Variants in TANC2 observed in about 807,000 individuals in gnomAD.
TANC2 encodes protein TANC2.
TANC2 carries 26 observed loss-of-function variants against 210.5 expected under a neutral mutation model. The ratio of observed to expected loss-of-function variants is 0.12; its 90% CI spans 0.09 to 0.17. The LOEUF is 0.17. TANC2 is among the 10% of genes least tolerant of loss of function. TANC2 has a pLI of 1.00. For missense variants in TANC2, 2,129 were observed against 2,608.9 expected, an observed-to-expected ratio of 0.82 and a Z score of 4.01; for synonymous variants, 931 against 967.1, an observed-to-expected ratio of 0.96 and a Z score of 0.69.
chr17:63,001,497 G>T (rs1285508542), intron 1 of TANC2, among the ~76,000 whole-genome samples: 1 of 150,832 alleles, frequency 6.6e-6, no homozygotes, highest in Non-Finnish European at 1.5e-5. Flanking sequence ...AGATTAATAA[G>T]ACCAGGTTTC....
chr17:63,415,965 T>G (rs919123533), intron 26 of TANC2, among the ~76,000 whole-genome samples: 1 of 152,112 alleles, frequency 6.6e-6, no homozygotes, highest in Non-Finnish European at 1.5e-5. Context: ...ACCAAGTCAG[T>G]GTTCTGGTCT....
At chr17:63,204,608 A>AG (rs1047985050) in intron 7 of TANC2, among the ~76,000 whole-genome samples, 8 of 149,380 alleles carry the variant, frequency 5.4e-5, no homozygotes, top group African/African-American at 1.5e-4. Flanking sequence ...TAAAAAAAAA[A>AG]GAAAGAAAGA....
exon 28 of TANC2, chr17:63,424,369 A>C (rs2049095852): frequency 6.6e-6 from 1 of 152,214 alleles, no homozygotes; most frequent in Non-Finnish European, 1.5e-5. Context: ...TTTGACTAGA[A>C]TATGCCAACC....
chr17:63,001,579 G>A (rs2033388459), intron 1 of TANC2, among the ~76,000 whole-genome samples: 1 of 138,428 alleles, frequency 7.2e-6, no homozygotes, highest in Non-Finnish European at 1.5e-5. Flanking sequence ...CCAAGATGGA[G>A]TCTCCCTCTG....
chr17:63,307,797 G>A (rs537297683), intron 9 of TANC2, among the ~76,000 whole-genome samples: 2 of 151,798 alleles, frequency 1.3e-5, no homozygotes, highest in Non-Finnish European at 2.9e-5. Flanking sequence ...ACAGAGTCTC[G>A]CTCTGTTGCC....
At chr17:63,318,596 A>G (rs568019284) in intron 10 of TANC2, among the ~76,000 whole-genome samples, 1 of 152,298 alleles carries the variant, frequency 6.6e-6, no homozygotes. Context: ...ATCATACAAT[A>G]TATGGTCCTT....
intron 7 of TANC2, among the ~76,000 whole-genome samples, chr17:63,209,694 A>C (rs1237483494): frequency 6.6e-6 from 1 of 152,122 alleles, no homozygotes; most frequent in African/African-American, 2.4e-5. Flanking sequence ...TGGCCTCCCA[A>C]AGTGCTGGGA....
chr17:63,422,913 C>G (rs955718161), exon 28 of TANC2: 1 of 152,200 alleles, frequency 6.6e-6, no homozygotes, highest in Non-Finnish European at 1.5e-5. Flanking sequence ...TAAAAGGAAA[C>G]TCTAACCGAA....
At chr17:63,408,409 G>A (rs985772037) in intron 21 of TANC2, among the ~76,000 whole-genome samples, 1 of 152,138 alleles carries the variant, frequency 6.6e-6, no homozygotes, top group African/African-American at 2.4e-5. Flanking sequence ...TGTTTCATGT[G>A]TATCTCCTTT....
At chr17:63,286,155 A>G (rs1004599222) in intron 9 of TANC2, among the ~76,000 whole-genome samples, 2 of 152,242 alleles carry the variant, frequency 1.3e-5, no homozygotes, top group African/African-American at 4.8e-5. Flanking sequence ...CCAATAAGAT[A>G]AAAATCTTAT....
rs190455425 is a variant in TANC2 at position 63,171,124 on chromosome 17, C to T, written c.433+19744C>T. ...TTTTTGAGATGGAGTCTTGCTCCCT[C>T]GCCCAGGCTGGAGTGCAGTGGTGCG... is the stretch of plus-strand genomic sequence containing the variant. On this transcript the variant is annotated intron_variant, in intron 5 of 27. Coordinates refer to ENST00000689528, the Ensembl canonical transcript of TANC2. Among the ~76,000 whole-genome samples the T allele has an allele frequency of 3.0e-3, 437 of 144,266 alleles. 7 individuals carry two copies. The highest frequency in any genetic ancestry group is 1.3e-3 in the Non-Finnish European group (84 of 66,534). The allele number at this position is 144,266 out of a possible 152,430, so 94.6% of individuals were successfully genotyped here.
Position 63,378,717 on chromosome 17 carries a change from A to G in TANC2, c.2583-1001A>G, listed in dbSNP as rs189896407. On this transcript the variant is annotated intron_variant, in intron 14 of 27. Transcript: ENST00000689528. ...CAGATGCTATCAGGAACCTCAATCT[A>G]GTGGAGGAGAGAGTATGTGACAGTA... Among the ~76,000 whole-genome samples, 15 of 152,322 alleles carry G rather than the reference A, an allele frequency of 9.8e-5. No individual in the cohort carries two copies. The East Asian group carries it at 2.7e-3, about 27-fold the overall frequency.
chr17:63,423,564 A>G (rs551883032), exon 28 of TANC2: 1 of 152,386 alleles, frequency 6.6e-6, no homozygotes, highest in Non-Finnish European at 1.5e-5. Context: ...CAGGAAGGGC[A>G]GTTTCCTGAA....
At chr17:63,271,848 T>C (rs1301313220) in intron 9 of TANC2, among the ~76,000 whole-genome samples, 1 of 152,160 alleles carries the variant, frequency 6.6e-6, no homozygotes, top group Admixed American at 6.5e-5. Context: ...TGCTGGGTAT[T>C]AGACTTTTGT....
At chr17:63,102,730 A>C (rs1353996344) in intron 4 of TANC2, among the ~76,000 whole-genome samples, 2 of 151,978 alleles carry the variant, frequency 1.3e-5, no homozygotes, top group African/African-American at 4.8e-5. Flanking sequence ...TTTACCTTGT[A>C]ATTGAATCTT....
At chr17:63,297,963 T>A (rs2044588342) in intron 9 of TANC2, among the ~76,000 whole-genome samples, 1 of 152,118 alleles carries the variant, frequency 6.6e-6, no homozygotes, top group African/African-American at 2.4e-5. Flanking sequence ...ATGTTCAACA[T>A]CATCAGTCAT....
chr17:63,147,289 G>A (rs2039495122), intron 4 of TANC2, among the ~76,000 whole-genome samples: 1 of 152,080 alleles, frequency 6.6e-6, no homozygotes, highest in African/African-American at 2.4e-5. Context: ...GTTGCAGGTT[G>A]CAGTGACCTG....
intron 7 of TANC2, among the ~76,000 whole-genome samples, chr17:63,236,814 C>T (rs1035861381): frequency 1.2e-4 from 18 of 152,242 alleles, no homozygotes; most frequent in African/African-American, 4.1e-4. Context: ...CATGTTGCTG[C>T]AAAAGACATT....
intron 8 of TANC2, among the ~76,000 whole-genome samples, chr17:63,251,642 G>T (rs1014355824): frequency 6.6e-5 from 10 of 152,162 alleles, no homozygotes; most frequent in Non-Finnish European, 8.8e-5. Flanking sequence ...TGTAGTCCCA[G>T]ATTAAAGCCA....
Sources: gnomAD v4.1 joint callset for allele counts (sites outside exome capture counted in the v4.1 genomes callset) on GRCh38, gnomAD v4.1.1 for gene constraint, MANE v1.5 for transcripts, NCBI Gene and HGNC (gene_info 2026-07-23, HGNC 2026-07-21) for gene names.